BPIFB3: variants seen among roughly 807,000 people sequenced by gnomAD.
BPIFB3 encodes BPI fold-containing family B member 3.
BPIFB3 carries 49 observed loss-of-function variants against 53.1 expected under a neutral mutation model. The ratio of observed to expected loss-of-function variants is 0.92; its 90% CI spans 0.73 to 1.17. The LOEUF (loss-of-function observed/expected upper bound fraction) is 1.17, where lower values mean the gene tolerates loss of function less well. Ranked by LOEUF, BPIFB3 falls within the 50% of genes most tolerant of loss-of-function variation. BPIFB3 has a pLI of 0.00. For missense variants in BPIFB3, 628 were observed against 592.5 expected, an observed-to-expected ratio of 1.06 and a Z score of -0.62; for synonymous variants, 271 against 269.6, an observed-to-expected ratio of 1.01 and a Z score of -0.05.
At chr20:33,056,350 G>A (rs1175196689) in intron 1 of BPIFB3, among the ~76,000 whole-genome samples, 192 bp from the exon 3 acceptor site, 1 of 152,226 alleles carries the variant, frequency 6.6e-6, no homozygotes, top group African/African-American at 2.4e-5. Flanking sequence ...GGCAGGGAGG[G>A]TGGCCACAGG....
In BPIFB3 at chr20:33,064,052, C is replaced by T. The variant is rs1392767683; in HGVS notation, c.652+377C>T. 2.0e-5 allele frequency among the ~76,000 whole-genome samples: 3 copies of T among 152,226 alleles called. No homozygotes were observed. The East Asian group carries it at 5.8e-4, about 29-fold the overall frequency. ...AAGGCCCCGCAGCCACAGCAGACCC[C>T]AGTCTCTCTGTGCCTTATGGAGACA... On this transcript the variant is annotated intron_variant, in intron 6 of 14. Coordinates refer to ENST00000375494, the Ensembl canonical transcript of BPIFB3.
intron 9 of BPIFB3, 107 bp from the exon 11 acceptor site, chr20:33,068,696 T>C: frequency 8.6e-7 from 1 of 1,169,146 alleles, no homozygotes; most frequent in Non-Finnish European, 1.2e-6. Flanking sequence ...GTAACCTCGT[T>C]GCCCAGCACG....
intron 10 of BPIFB3, among the ~76,000 whole-genome samples, 200 bp from the exon 12 acceptor site, chr20:33,069,688 C>T (rs1354184579): frequency 6.6e-6 from 1 of 152,180 alleles, no homozygotes; most frequent in South Asian, 2.1e-4. Context: ...ACCAATTGCC[C>T]TCAATTTTAA....
chr20:33,056,902 T>C (rs1251331396), intron 2 of BPIFB3, among the ~76,000 whole-genome samples: 1 of 152,226 alleles, frequency 6.6e-6, no homozygotes, highest in Non-Finnish European at 1.5e-5. Context: ...GTTCCAGCTC[T>C]GGGGTCAACA....
chr20:33,068,899 T>A, exon 10 of BPIFB3: 2 of 1,613,968 alleles, frequency 1.2e-6, no homozygotes, highest in Non-Finnish European at 8.5e-7. Context: ...GGCCTTGGTC[T>A]CCCTCCCAGC....
At chr20:33,073,666 C>T (rs1483769410), downstream of BPIFB3, 6 of 1,576,818 alleles carry the variant, frequency 3.8e-6, no homozygotes, top group Middle Eastern at 3.3e-4. Flanking sequence ...TCTACTCTGC[C>T]TCAATTTCCC....
intron 6 of BPIFB3, among the ~76,000 whole-genome samples, chr20:33,064,034 C>T (rs1481231934): frequency 1.3e-5 from 2 of 152,186 alleles, no homozygotes; most frequent in South Asian, 2.1e-4. Flanking sequence ...CCCAAGGCCC[C>T]GCAGCCACAG....
chr20:33,064,478 T>A, exon 7 of BPIFB3: 2 of 1,614,132 alleles, frequency 1.2e-6, no homozygotes, highest in East Asian at 4.5e-5. Context: ...CTTGGGGCTC[T>A]TGGGTCCGTG....
upstream of BPIFB3, among the ~76,000 whole-genome samples, chr20:33,055,030 T>C (rs1980132716): frequency 6.6e-6 from 1 of 152,210 alleles, no homozygotes; most frequent in Non-Finnish European, 1.5e-5. Flanking sequence ...CAGCTGTCAC[T>C]CCAGACACCC....
intron 12 of BPIFB3, among the ~76,000 whole-genome samples, 186 bp from the exon 14 acceptor site, chr20:33,071,918 G>A (rs552165776): frequency 9.8e-4 from 149 of 152,238 alleles, no homozygotes; most frequent in Non-Finnish European, 1.8e-3. Context: ...AATCTCTTTC[G>A]AGGTCACTGG....
chr20:33,060,001 C>A (rs149445561), exon 4 of BPIFB3: 1 of 1,614,110 alleles, frequency 6.2e-7, no homozygotes, highest in South Asian at 1.1e-5. Flanking sequence ...CGCTGCAGCA[C>A]GCTCCTGGGC....
intron 9 of BPIFB3, 114 bp downstream of exon 10, chr20:33,066,991 G>A (rs1980696779): frequency 1.9e-6 from 2 of 1,068,832 alleles, no homozygotes; most frequent in East Asian, 2.4e-5. Flanking sequence ...GAACAGTTGA[G>A]TCCAAATTCA....
intron 11 of BPIFB3, among the ~76,000 whole-genome samples, chr20:33,070,503 C>T (rs969404394): frequency 3.3e-5 from 5 of 152,226 alleles, no homozygotes; most frequent in African/African-American, 1.2e-4. Flanking sequence ...TGCAAAACGC[C>T]GTGCTGGCCC....
At chr20:33,069,101 GC>G (rs1170082927) in intron 10 of BPIFB3, 128 bp downstream of exon 11, 66 of 1,033,868 alleles carry the variant, frequency 6.4e-5, no homozygotes, top group Non-Finnish European at 9.0e-5. Context: ...AGCACAGGAA[GC>G]CCCCCGCCCC....
chr20:33,064,430 C>G (rs762253854), intron 6 of BPIFB3, 27 bp from the exon 8 acceptor site: 2 of 1,577,958 alleles, frequency 1.3e-6, no homozygotes, highest in African/African-American at 2.7e-5. Flanking sequence ...CTTATAGGGT[C>G]GTTCTCGCCC....
chr20:33,055,352 A>C (rs1980143686), upstream of BPIFB3: 1 of 1,583,912 alleles, frequency 6.3e-7, no homozygotes, highest in Non-Finnish European at 8.6e-7. Flanking sequence ...GAAGGCTGAT[A>C]ATGGGAACAG....
chr20:33,059,490 T>A lies in BPIFB3; in HGVS notation c.386+8T>A, dbSNP rs768339727. On this transcript the variant is annotated splice_region_variant and intron_variant, in intron 3 of 14. Transcript: ENST00000375494. The stretch of plus-strand genomic sequence containing the variant: ...GGGCATGCATTGCTCTGGGTGAGTG[T>A]GTCCTGGGGACCTCTACCCTCCTGC... 6.3e-7 allele frequency: 1 copy of A among 1,599,894 alleles called. No homozygotes were observed. Among genetic ancestry groups the A allele is most frequent in the South Asian group, 1.1e-5 (1 of 88,950 alleles).
At chr20:33,056,119 G>C (rs1600534681) in intron 1 of BPIFB3, among the ~76,000 whole-genome samples, 1 of 152,138 alleles carries the variant, frequency 6.6e-6, no homozygotes, top group South Asian at 2.1e-4. Flanking sequence ...AGCCCTGGTG[G>C]CTACAAGCTC....
At chr20:33,073,757 G>A, downstream of BPIFB3, 1 of 834,488 alleles carries the variant, frequency 1.2e-6, no homozygotes, top group Non-Finnish European at 1.9e-6. Flanking sequence ...GGTGGGAACT[G>A]CCTGGCTAAT....
Sources: gnomAD v4.1 joint callset for allele counts (sites outside exome capture counted in the v4.1 genomes callset) on GRCh38, gnomAD v4.1.1 for gene constraint, MANE v1.5 for transcripts, NCBI Gene and HGNC (gene_info 2026-07-23, HGNC 2026-07-21) for gene names.